CAPS2: variants seen among roughly 807,000 people sequenced by gnomAD.
CAPS2 encodes the protein calcyphosin-2.
A neutral mutation model predicts 86.5 loss-of-function variants in CAPS2; 98 were observed. The observed-to-expected ratio is 1.13, with a 90% CI of 0.96 to 1.34. The LOEUF (loss-of-function observed/expected upper bound fraction) is 1.34. CAPS2 is among the 40% of genes most tolerant of loss of function. The probability of loss-of-function intolerance (pLI) is 0.00; values close to 1 mark genes in which losing one functional copy is unlikely to be tolerated. For missense variants in CAPS2, 729 were observed against 686.8 expected (o/e 1.06, Z -0.69); for synonymous variants, 210 against 225.1 (o/e 0.93, Z 0.60).
intron 1 of CAPS2, chr12:75,369,463 AT>A (rs1327093616): frequency 2.4e-5 from 22 of 935,642 alleles, no homozygotes; most frequent in Middle Eastern, 5.4e-4. Flanking sequence ...TTAATTAATT[AT>A]TTTTTTAAGT....
chr12:75,380,519 C>T (rs1012395782), intron 1 of CAPS2, among the ~76,000 whole-genome samples: 3 of 152,128 alleles, frequency 2.0e-5, no homozygotes, highest in African/African-American at 7.2e-5. Flanking sequence ...AAGAATAACT[C>T]AATAAATATT....
At chr12:75,322,957 A>C in intron 4 of CAPS2, 1 of 1,308,526 alleles carries the variant, frequency 7.6e-7, no homozygotes, top group Non-Finnish European at 1.1e-6. Context: ...AAAATTGATA[A>C]GCAAATAAAT....
At position 75,368,017 on chromosome 12, in the gene CAPS2, A is replaced by AT. The variant is rs1244613199; in HGVS notation, c.-395+22820dup. On this transcript the variant is annotated intron_variant, in intron 1 of 5. Coordinates refer to the CAPS2 transcript ENST00000551829. Reference sequence around the variant, plus strand: ...ATTTGAATAAATGTTAACTTTAACAATTTTTTCCTGCATCTCTTGAAATAA... The same window carrying AT: ...ATTTGAATAAATGTTAACTTTAACAATTTTTTTCCTGCATCTCTTGAAATAA... Among the ~76,000 whole-genome samples, 3 of 152,176 alleles carry AT rather than the reference A, an allele frequency of 2.0e-5. No individual in the cohort carries two copies. The East Asian group carries it at 5.8e-4, about 29-fold the overall frequency.
At chr12:75,314,982 T>G (rs1593474910) in intron 6 of CAPS2, among the ~76,000 whole-genome samples, 1 of 152,230 alleles carries the variant, frequency 6.6e-6, no homozygotes, top group South Asian at 2.1e-4. Flanking sequence ...TCACTGCTTC[T>G]ATTGTCACTT....
intron 1 of CAPS2, among the ~76,000 whole-genome samples, chr12:75,354,926 T>C (rs1177855399): frequency 1.3e-5 from 2 of 152,186 alleles, no homozygotes; most frequent in Non-Finnish European, 2.9e-5. Flanking sequence ...AGGCTAGCCA[T>C]ATGCAGAGAA....
chr12:75,314,351 C>T (rs1013067983), intron 6 of CAPS2, among the ~76,000 whole-genome samples: 2 of 152,066 alleles, frequency 1.3e-5, no homozygotes, highest in Admixed American at 6.5e-5. Context: ...TTAACACTTT[C>T]ATTTATTGAT....
intron 15 of CAPS2, 101 bp downstream of exon 15, chr12:75,284,860 T>C (rs948834616): frequency 1.7e-5 from 19 of 1,103,448 alleles, no homozygotes; most frequent in Non-Finnish European, 3.7e-6. Flanking sequence ...TATAAGTAAA[T>C]AGATTTAAAA....
At chr12:75,291,713 A>T (rs780756820) in intron 13 of CAPS2, 31 bp downstream of exon 13, 1 of 1,198,474 alleles carries the variant, frequency 8.3e-7, no homozygotes, top group East Asian at 2.8e-5. Flanking sequence ...TGAAAATTCA[A>T]AGTACTTGAG....
downstream of CAPS2, chr12:75,276,306 A>G (rs1363263537): frequency 6.6e-7 from 1 of 1,515,004 alleles, no homozygotes; most frequent in Non-Finnish European, 8.8e-7. Flanking sequence ...ACTACAAACT[A>G]TAATCTCATA....
At chr12:75,291,866 T>A in intron 12 of CAPS2, 46 bp from the exon 13 acceptor site, 1 of 973,870 alleles carries the variant, frequency 1.0e-6, no homozygotes, top group Non-Finnish European at 1.5e-6. Flanking sequence ...TATATTCTAT[T>A]TTACAATCTT....
chr12:75,379,006 A>G (rs1332799547), intron 1 of CAPS2, among the ~76,000 whole-genome samples: 1 of 152,140 alleles, frequency 6.6e-6, no homozygotes, highest in Non-Finnish European at 1.5e-5. Flanking sequence ...TGTAGAGTAT[A>G]TTTTTCTACC....
upstream of CAPS2, chr12:75,326,674 C>T: frequency 1.8e-6 from 1 of 555,890 alleles, no homozygotes; most frequent in South Asian, 2.7e-5. Context: ...TTTTATAGGG[C>T]AATTACATTA....
intron 8 of CAPS2, 37 bp from the exon 9 acceptor site, chr12:75,299,948 A>G (rs1352409987): frequency 4.6e-6 from 4 of 863,250 alleles, no homozygotes; most frequent in Non-Finnish European, 7.0e-6. Context: ...ATTTTTCAAG[A>G]TACCTATAAC....
chr12:75,308,212 C>T (rs2038731842), intron 7 of CAPS2, among the ~76,000 whole-genome samples: 1 of 152,208 alleles, frequency 6.6e-6, no homozygotes, highest in African/African-American at 2.4e-5. Flanking sequence ...TTCACTTCAG[C>T]TTCTGATTGG....
chr12:75,338,672 G>A (rs1254109995), intron 1 of CAPS2, among the ~76,000 whole-genome samples: 1 of 152,000 alleles, frequency 6.6e-6, no homozygotes. Flanking sequence ...TGCCATGGTG[G>A]TTTGCTGCAC....
intron 1 of CAPS2, chr12:75,343,837 T>A: frequency 1.2e-6 from 2 of 1,613,340 alleles, no homozygotes; most frequent in Non-Finnish European, 1.7e-6. Context: ...TGGAATAAAG[T>A]CATTCACACC....
exon 17 of CAPS2, chr12:75,278,922 C>A: frequency 1.3e-6 from 2 of 1,596,246 alleles, no homozygotes; most frequent in Non-Finnish European, 1.7e-6. Context: ...AAGATGTTAA[C>A]AAAGTCTTCA....
At chr12:75,328,927 C>T (rs2041041869), upstream of CAPS2, among the ~76,000 whole-genome samples, 1 of 152,192 alleles carries the variant, frequency 6.6e-6, no homozygotes, top group Admixed American at 6.5e-5. Flanking sequence ...GGAACACTTT[C>T]GGATCTATGG....
At chr12:75,294,180 G>A (rs980632916) in intron 11 of CAPS2, among the ~76,000 whole-genome samples, 2 of 151,980 alleles carry the variant, frequency 1.3e-5, no homozygotes, top group Admixed American at 1.3e-4. Flanking sequence ...TCCTGACCTC[G>A]TGATCCACTT....
Sources: allele counts gnomAD v4.1 joint callset (sites outside exome capture counted in the v4.1 genomes callset), GRCh38; gene constraint gnomAD v4.1.1; transcripts MANE v1.5; gene names NCBI Gene and HGNC (gene_info 2026-07-23, HGNC 2026-07-21).